Variants in LRMDA observed in about 807,000 individuals in gnomAD.
LRMDA encodes leucine-rich melanocyte differentiation-associated protein.
A neutral mutation model predicts 29.8 loss-of-function variants in LRMDA; 18 were observed. That is an observed-to-expected ratio of 0.60 (90% CI 0.42 to 0.90). The LOEUF (loss-of-function observed/expected upper bound fraction) is 0.90. Ranked by LOEUF, LRMDA falls within the 40% of genes least tolerant of loss-of-function variation. The probability of loss-of-function intolerance (pLI) is 0.00; values close to 1 mark genes in which losing one functional copy is unlikely to be tolerated. For missense variants in LRMDA, 273 were observed against 273.9 expected, an observed-to-expected ratio of 1.00 and a Z score of 0.02; for synonymous variants, 125 against 109.4, an observed-to-expected ratio of 1.14 and a Z score of -0.89.
intron 2 of LRMDA, among the ~76,000 whole-genome samples, chr10:75,626,978 T>A (rs1841258450): frequency 6.6e-6 from 1 of 152,212 alleles, no homozygotes; most frequent in East Asian, 1.9e-4. Context: ...TGAGCTGAAG[T>A]GATGGTTGCC....
intron 2 of LRMDA, among the ~76,000 whole-genome samples, chr10:75,799,680 T>TTG (rs57575125): frequency 0.085 from 11,629 of 136,066 alleles, 634 homozygotes; most frequent in East Asian, 0.3. Context: ...ATTCCTAGCT[T>TTG]TGTGTGTGTG....
chr10:76,415,383 AT>A (rs966463375), intron 6 of LRMDA, among the ~76,000 whole-genome samples: 3 of 151,358 alleles, frequency 2.0e-5, no homozygotes, highest in Admixed American at 6.6e-5. Context: ...GGGTGCTGTC[AT>A]TTTTTTTTGA....
intron 4 of LRMDA, among the ~76,000 whole-genome samples, chr10:76,053,406 A>G (rs1027601810): frequency 1.3e-5 from 2 of 152,216 alleles, no homozygotes; most frequent in Admixed American, 1.3e-4. Context: ...ACATCACAGT[A>G]AAGAGATTTT....
At chr10:75,581,790 G>A (rs998106490) in intron 2 of LRMDA, among the ~76,000 whole-genome samples, 1 of 152,038 alleles carries the variant, frequency 6.6e-6, no homozygotes, top group East Asian at 1.9e-4. Flanking sequence ...TTTAGGGGGT[G>A]GGGGGCTAGG....
At chr10:75,680,493 A>G (rs1360893572) in intron 2 of LRMDA, among the ~76,000 whole-genome samples, 2 of 147,104 alleles carry the variant, frequency 1.4e-5, no homozygotes, top group South Asian at 4.2e-4. Context: ...TTTACTTTTC[A>G]TATATATATA....
At position 76,404,251 on chromosome 10, in the gene LRMDA, T is replaced by C. The variant is rs538637583; in HGVS notation, c.601+79766T>C. On this transcript the variant is annotated intron_variant, in intron 6 of 6. Coordinates refer to ENST00000611255, the MANE Select transcript of LRMDA (RefSeq NM_001305581.2). ...AATTACTAGTGAAAACCCTTTGATG[T>C]ATCCAGTTGTAAGAAAGCCCAAGGC... 3.9e-5 allele frequency among the ~76,000 whole-genome samples: 6 copies of C among 152,312 alleles called. No homozygotes were observed. In the South Asian group the frequency reaches 1.2e-3, roughly 32 times the overall value.
chr10:76,379,270 C>G (rs1376827365), intron 6 of LRMDA, among the ~76,000 whole-genome samples: 1 of 151,316 alleles, frequency 6.6e-6, no homozygotes, highest in African/African-American at 2.4e-5. Context: ...GTCCTTCCTC[C>G]TCAATTTTTT....
chr10:76,344,507 G>C (rs541344656), intron 6 of LRMDA, among the ~76,000 whole-genome samples: 1 of 152,116 alleles, frequency 6.6e-6, no homozygotes, highest in African/African-American at 2.4e-5. Flanking sequence ...ATGTAACAAA[G>C]CTTTTTTTCT....
At chr10:75,644,035 A>T (rs1007974566) in intron 2 of LRMDA, among the ~76,000 whole-genome samples, 6 of 152,186 alleles carry the variant, frequency 3.9e-5, no homozygotes, top group African/African-American at 1.4e-4. Flanking sequence ...ACATGAGTTA[A>T]ATGTTCGAGA....
intron 2 of LRMDA, among the ~76,000 whole-genome samples, chr10:75,616,847 A>G (rs903433666): frequency 1.3e-5 from 2 of 152,212 alleles, no homozygotes; most frequent in Non-Finnish European, 2.9e-5. Context: ...GGGATTTAGA[A>G]AGGCTAGAAT....
intron 5 of LRMDA, among the ~76,000 whole-genome samples, chr10:76,250,035 A>AC (rs765602275): frequency 2.0e-5 from 3 of 152,124 alleles, no homozygotes; most frequent in Non-Finnish European, 4.4e-5. Context: ...TGAACTCCTG[A>AC]CATCAGGTGA....
chr10:75,925,835 T>A (rs929266637), intron 2 of LRMDA, among the ~76,000 whole-genome samples: 32 of 152,060 alleles, frequency 2.1e-4, no homozygotes, highest in African/African-American at 7.5e-4. Flanking sequence ...GTATTTTTTG[T>A]AGAGACAGGT....
chr10:76,366,375 A>G lies in LRMDA; in HGVS notation c.601+41890A>G, dbSNP rs553166634. On this transcript the variant is annotated intron_variant, in intron 6 of 6. Coordinates refer to ENST00000611255, the MANE Select transcript of LRMDA (RefSeq NM_001305581.2). ...ATATTGATTCTACCCATCCATGAGC[A>G]TGGGATGTGTTTCCATTTGTTTGTG... 3.5e-4 allele frequency among the ~76,000 whole-genome samples: 53 copies of G among 152,304 alleles called. 1 individual carries two copies. Among genetic ancestry groups the G allele is most frequent in the Admixed American group, 6.5e-4 (10 of 15,292 alleles).
At chr10:75,936,479 G>A (rs1050929666) in intron 2 of LRMDA, among the ~76,000 whole-genome samples, 2 of 152,022 alleles carry the variant, frequency 1.3e-5, no homozygotes, top group African/African-American at 4.8e-5. Context: ...ATATCTATTT[G>A]TATATACAAA....
At chr10:75,945,794 T>C (rs1457028920) in intron 2 of LRMDA, among the ~76,000 whole-genome samples, 1 of 151,712 alleles carries the variant, frequency 6.6e-6, no homozygotes, top group African/African-American at 2.4e-5. Context: ...AAAAAAATCA[T>C]GCCTATGGGC....
At chr10:76,114,682 T>A (rs1849638333) in intron 5 of LRMDA, among the ~76,000 whole-genome samples, 1 of 152,214 alleles carries the variant, frequency 6.6e-6, no homozygotes, top group African/African-American at 2.4e-5. Flanking sequence ...AGCTGAGCGT[T>A]GAGTGCCTCC....
chr10:75,433,615 G>A (rs1364263865), intron 1 of LRMDA, among the ~76,000 whole-genome samples: 1 of 152,118 alleles, frequency 6.6e-6, no homozygotes, highest in Admixed American at 6.5e-5. Flanking sequence ...GCCGCTTTAA[G>A]AGGTAGCACC....
intron 2 of LRMDA, among the ~76,000 whole-genome samples, chr10:75,454,091 G>A (rs1398698447): frequency 6.6e-6 from 1 of 152,156 alleles, no homozygotes; most frequent in African/African-American, 2.4e-5. Context: ...AGGACTGCCT[G>A]CCTGGATTCT....
intron 2 of LRMDA, among the ~76,000 whole-genome samples, chr10:75,747,889 A>G (rs1404495141): frequency 1.3e-5 from 2 of 152,200 alleles, no homozygotes; most frequent in Non-Finnish European, 2.9e-5. Flanking sequence ...TTTTTTTAAT[A>G]AAGTAAAACA....
Sources: allele counts gnomAD v4.1 joint callset (sites outside exome capture counted in the v4.1 genomes callset), GRCh38; gene constraint gnomAD v4.1.1; transcripts MANE v1.5; gene names NCBI Gene and HGNC (gene_info 2026-07-23, HGNC 2026-07-21).